The following FGGY variants were observed in gnomAD, a reference collection of about 807,000 sequenced individuals.
FGGY encodes the protein FGGY carbohydrate kinase domain-containing protein.
A neutral mutation model predicts 71.3 loss-of-function variants in FGGY; 72 were observed. That is an observed-to-expected ratio of 1.01 (90% CI 0.84 to 1.23). FGGY has a LOEUF of 1.23. FGGY is among the 50% of genes most tolerant of loss of function. FGGY has a pLI of 0.00. For synonymous variants in FGGY, 251 were observed against 250.3 expected (o/e 1.00, Z -0.02); for missense variants, 668 against 682.3 (o/e 0.98, Z 0.23).
chr1:59,614,845 T>C (rs2096733413), intron 9 of FGGY, among the ~76,000 whole-genome samples: 1 of 152,200 alleles, frequency 6.6e-6, no homozygotes, highest in Non-Finnish European at 1.5e-5. Context: ...AGCATTCTTA[T>C]ACACCAATAA....
intron 2 of FGGY, 25 bp from the exon 3 acceptor site, chr1:59,339,933 A>G (rs1278429116): frequency 7.0e-7 from 1 of 1,430,770 alleles, no homozygotes; most frequent in African/African-American, 1.4e-5. Context: ...GTTGTAATTT[A>G]TGTTTTTATT....
At chr1:59,603,611 C>T (rs1482821443) in intron 8 of FGGY, among the ~76,000 whole-genome samples, 1 of 152,216 alleles carries the variant, frequency 6.6e-6, no homozygotes, top group Non-Finnish European at 1.5e-5. Flanking sequence ...GAAAGGCTAC[C>T]TTACGTAAGA....
intron 11 of FGGY, among the ~76,000 whole-genome samples, chr1:59,638,773 T>C (rs2096988590): frequency 6.6e-6 from 1 of 152,252 alleles, no homozygotes; most frequent in Non-Finnish European, 1.5e-5. Flanking sequence ...CACATCTGCC[T>C]AGGCTCTGAG....
chr1:59,538,618 G>C (rs12093052), intron 7 of FGGY, among the ~76,000 whole-genome samples: 4,226 of 150,646 alleles, frequency 0.028, 210 homozygotes, highest in African/African-American at 0.1. Context: ...TGATAGACTG[G>C]ATTAAGAAAA....
intron 1 of FGGY, among the ~76,000 whole-genome samples, chr1:59,302,248 G>A (rs1156621462): frequency 6.6e-6 from 1 of 151,964 alleles, no homozygotes; most frequent in Non-Finnish European, 1.5e-5. Flanking sequence ...TCTTGTATCA[G>A]CTAAATACCT....
At chr1:59,661,288 C>T (rs897567564) in intron 12 of FGGY, among the ~76,000 whole-genome samples, 1 of 152,112 alleles carries the variant, frequency 6.6e-6, no homozygotes, top group African/African-American at 2.4e-5. Flanking sequence ...CAGATTTGTC[C>T]ATGCACCATG....
At chr1:59,720,963 A>G (rs1167452416) in intron 14 of FGGY, among the ~76,000 whole-genome samples, 2 of 152,168 alleles carry the variant, frequency 1.3e-5, no homozygotes, top group East Asian at 3.9e-4. Context: ...CACTGAGCAC[A>G]CTTCCAACTC....
intron 8 of FGGY, among the ~76,000 whole-genome samples, chr1:59,590,675 C>G (rs1173868765): frequency 1.3e-5 from 2 of 152,170 alleles, no homozygotes; most frequent in East Asian, 3.9e-4. Flanking sequence ...TAAACAGAAC[C>G]AAAGGAAAAA....
chr1:59,488,705 AAAC>A (rs888361660), intron 6 of FGGY, among the ~76,000 whole-genome samples: 6 of 151,834 alleles, frequency 4.0e-5, no homozygotes, highest in African/African-American at 1.4e-4. Flanking sequence ...ACGATTTTTA[AAAC>A]AACACTTTTC....
intron 6 of FGGY, among the ~76,000 whole-genome samples, chr1:59,467,334 A>G (rs1425318376): frequency 6.6e-6 from 1 of 150,718 alleles, no homozygotes; most frequent in Non-Finnish European, 1.5e-5. Flanking sequence ...GGGAATATAC[A>G]CCAGGGCCTG....
intron 9 of FGGY, among the ~76,000 whole-genome samples, chr1:59,616,693 A>G (rs1190890246): frequency 6.6e-6 from 1 of 152,012 alleles, no homozygotes; most frequent in Non-Finnish European, 1.5e-5. Flanking sequence ...TAGCTTACTG[A>G]GTATTTTTTT....
intron 14 of FGGY, among the ~76,000 whole-genome samples, chr1:59,716,403 A>C (rs2097846224): frequency 6.6e-6 from 1 of 152,210 alleles, no homozygotes; most frequent in African/African-American, 2.4e-5. Context: ...CAGTCTATCC[A>C]ACAACTCTAT....
chr1:59,314,087 T>A (rs1163316171), intron 1 of FGGY, among the ~76,000 whole-genome samples: 1 of 152,022 alleles, frequency 6.6e-6, no homozygotes, highest in Non-Finnish European at 1.5e-5. Flanking sequence ...TGTCTCAGCC[T>A]CCCGAGTAGC....
intron 8 of FGGY, among the ~76,000 whole-genome samples, chr1:59,591,035 A>T (rs1192492387): frequency 6.6e-6 from 1 of 152,200 alleles, no homozygotes; most frequent in African/African-American, 2.4e-5. Flanking sequence ...TATATCTAGA[A>T]AACCCCATCG....
At chr1:59,381,185 G>T (rs1272887523) in intron 5 of FGGY, among the ~76,000 whole-genome samples, 1 of 152,100 alleles carries the variant, frequency 6.6e-6, no homozygotes. Context: ...TGCTGTTTTG[G>T]TTACTGTAGC....
At chr1:59,717,824 T>C (rs573613973) in intron 14 of FGGY, among the ~76,000 whole-genome samples, 2 of 152,360 alleles carry the variant, frequency 1.3e-5, no homozygotes, top group South Asian at 2.1e-4. Context: ...TCAATAGCAC[T>C]TAAGTATTTC....
chr1:59,473,844 A>G (rs1032076457), intron 6 of FGGY, among the ~76,000 whole-genome samples: 6 of 152,202 alleles, frequency 3.9e-5, no homozygotes, highest in Non-Finnish European at 8.8e-5. Context: ...TGTGGCTCCT[A>G]TGAAGCTGTT....
rs570981406 is a variant in FGGY, at chr1:59,713,667, T to G, written c.1512+39534T>G. ...TGCTTTGTTTAAAGTCCTTATATAA[T>G]CAAATAAAAAGCTGACAATTATGTT... On this transcript the variant is annotated intron_variant, in intron 14 of 15. Coordinates refer to ENST00000303721, the MANE Select transcript of FGGY (RefSeq NM_018291.5). Among the ~76,000 whole-genome samples, 4 of 152,304 alleles carry G rather than the reference T, an allele frequency of 2.6e-5. No homozygotes were observed. In the South Asian group the frequency reaches 6.2e-4, roughly 24 times the overall value.
At chr1:59,524,276 G>A (rs2094915538) in intron 7 of FGGY, among the ~76,000 whole-genome samples, 1 of 152,096 alleles carries the variant, frequency 6.6e-6, no homozygotes, top group South Asian at 2.1e-4. Flanking sequence ...AGCATGGCAG[G>A]AGCTGAGGGC....
Sources: allele counts gnomAD v4.1 joint callset (sites outside exome capture counted in the v4.1 genomes callset), GRCh38; gene constraint gnomAD v4.1.1; transcripts MANE v1.5; gene names NCBI Gene and HGNC (gene_info 2026-07-23, HGNC 2026-07-21).